SOS1: variants seen among roughly 807,000 people sequenced by gnomAD.
The protein encoded by SOS1 is SOS Ras/Rac guanine nucleotide exchange factor 1.
A neutral mutation model predicts 157.6 loss-of-function variants in SOS1; 25 were observed. That is an observed-to-expected ratio of 0.16 (90% confidence interval 0.12 to 0.22). The LOEUF (loss-of-function observed/expected upper bound fraction) is 0.22. SOS1 is among the 10% of genes least tolerant of loss of function. The pLI is 1.00. For synonymous variants in SOS1, 528 were observed against 534.0 expected, an observed-to-expected ratio of 0.99 and a Z score of 0.16; for missense variants, 1,237 against 1,599.1, an observed-to-expected ratio of 0.77 and a Z score of 3.86.
intron 6 of SOS1, among the ~76,000 whole-genome samples, chr2:39,049,206 C>G (rs1670909136): frequency 6.6e-6 from 1 of 152,220 alleles, no homozygotes; most frequent in South Asian, 2.1e-4. Flanking sequence ...GCGTGAGCCA[C>G]CATGCCTGGC....
At chr2:39,107,758 T>A (rs1673254888) in intron 1 of SOS1, among the ~76,000 whole-genome samples, 1 of 151,854 alleles carries the variant, frequency 6.6e-6, no homozygotes, top group South Asian at 2.1e-4. Flanking sequence ...ATACTAAACA[T>A]GACTATTCCA....
At chr2:39,025,604 C>T (rs1318248588) in intron 8 of SOS1, among the ~76,000 whole-genome samples, 1 of 152,046 alleles carries the variant, frequency 6.6e-6, no homozygotes, top group East Asian at 1.9e-4. Flanking sequence ...AAGTGATCTG[C>T]CTGCTTCGGC....
intron 20 of SOS1, chr2:38,993,025 C>T (rs929398241): frequency 1.9e-4 from 28 of 150,378 alleles, no homozygotes; most frequent in African/African-American, 6.9e-4. Context: ...TGTTTGAGGC[C>T]AGAAGTTTGA....
intron 7 of SOS1, 24 bp downstream of exon 7, chr2:39,035,366 A>T: frequency 6.2e-7 from 1 of 1,601,018 alleles, no homozygotes; most frequent in Non-Finnish European, 8.6e-7. Context: ...GACATTGTAC[A>T]TCTTCATTTA....
At chr2:39,010,531 AAT>A (rs1669433224) in intron 15 of SOS1, 51 bp downstream of exon 15, 20 of 1,546,928 alleles carry the variant, frequency 1.3e-5, no homozygotes, top group Non-Finnish European at 1.8e-5. Flanking sequence ...ATTGCATTGA[AAT>A]TCATAACATA....
chr2:39,075,490 G>C (rs1469475961), intron 1 of SOS1, among the ~76,000 whole-genome samples: 1 of 151,462 alleles, frequency 6.6e-6, no homozygotes, highest in East Asian at 1.9e-4. Flanking sequence ...ATAAAGAAAA[G>C]CAACAGTTAA....
intron 1 of SOS1, among the ~76,000 whole-genome samples, chr2:39,077,399 A>G (rs934276210): frequency 2.0e-5 from 3 of 152,128 alleles, no homozygotes; most frequent in Non-Finnish European, 2.9e-5. Flanking sequence ...AAGACCTTAA[A>G]TAGTATTAAG....
rs773259949 is a variant in SOS1 at position 39,014,785 on chromosome 2, T to G, written c.1920A>C (p.Leu640=). Residue 640 remains leucine (L), a synonymous_variant, in exon 11 of 23, where the codon CTA becomes CTC. Coordinates refer to ENST00000402219, the MANE Select transcript of SOS1 (RefSeq NM_005633.4). ...TYRSFCKPQE[L]LSLIIERFEI... ...CAGACCTTTCTATTATAAGACTCAG[T>G]AGTTCTTGAGGTTTGCAAAAGGATC... 6.3e-7 allele frequency: 1 copy of G among 1,579,980 alleles called. No individual in the cohort carries two copies. Among genetic ancestry groups the G allele is most frequent in the Non-Finnish European group, 8.7e-7 (1 of 1,149,808 alleles).
At position 39,024,037 on chromosome 2, in the gene SOS1, G is replaced by C. The variant is rs749523988; in HGVS notation, c.1175C>G (p.Ser392Cys). 1 of 1,601,774 alleles carries C rather than the reference G, an allele frequency of 6.2e-7. No homozygotes were observed. Among genetic ancestry groups the C allele is most frequent in the South Asian group, 1.1e-5 (1 of 90,788 alleles). ...CAGTCTTCGTTTTGCAAGACTTTTA[G>C]AACATATTTTTTCCATACCACTCTG... ...NVQSGMEKIC[S>C]KSLAKRRLSE... is the part of the protein sequence containing the mutation. The change falls in exon 9 of 23, where the codon TCT becomes TGT. Residue 392 changes from serine to cysteine, a missense_variant. By Grantham distance (112) the Ser-to-Cys change is moderately radical. Around this residue, in one of 15 missense-constraint regions of SOS1, gnomAD observed 101 missense variants for 171.5 expected, o/e 0.59. Transcript: ENST00000402219.
At chr2:39,065,437 C>A (rs1671558978) in intron 2 of SOS1, among the ~76,000 whole-genome samples, 1 of 152,128 alleles carries the variant, frequency 6.6e-6, no homozygotes, top group African/African-American at 2.4e-5. Flanking sequence ...CCTCTTAATT[C>A]TATAAAGACC....
intron 1 of SOS1, among the ~76,000 whole-genome samples, chr2:39,084,116 A>T (rs1167883463): frequency 6.6e-6 from 1 of 152,106 alleles, no homozygotes; most frequent in East Asian, 1.9e-4. Flanking sequence ...CAACCCACCA[A>T]CATCTTCATC....
Position 39,064,742 on chromosome 2 carries a change from ATTTTTTTTTTTTT to A in SOS1, c.213+2873_213+2885del, listed in dbSNP as rs4015841. Among the ~76,000 whole-genome samples the A allele has an allele frequency of 2.2e-3, 168 of 74,846 alleles. 8 individuals carry two copies. The highest frequency in any genetic ancestry group is 1.5e-3 in the Non-Finnish European group (66 of 43,580). 49.1% of individuals were successfully genotyped at this position (74,846 alleles called of 152,430 possible). The stretch of plus-strand genomic sequence containing the variant: ...TCAGATTGATCTATTTTTAAAATAC[ATTTTTTTTTTTTT>A]TTTTTTTTTTGGAGATGGAGTCTTG... On this transcript the variant is annotated intron_variant, in intron 2 of 22. Transcript: ENST00000402219.
chr2:39,017,389 T>G (rs562411642), intron 10 of SOS1, among the ~76,000 whole-genome samples: 1 of 152,166 alleles, frequency 6.6e-6, no homozygotes, highest in South Asian at 2.1e-4. Flanking sequence ...CACCAGAAAG[T>G]CACTGAAAAA....
chr2:39,041,583 T>C (rs1014682901), intron 6 of SOS1, among the ~76,000 whole-genome samples: 9 of 152,262 alleles, frequency 5.9e-5, no homozygotes, highest in African/African-American at 1.7e-4. Context: ...TTTGGCATTA[T>C]CTAAGCATCC....
At chr2:39,049,854 T>C (rs1222695840) in intron 6 of SOS1, among the ~76,000 whole-genome samples, 1 of 152,188 alleles carries the variant, frequency 6.6e-6, no homozygotes, top group Non-Finnish European at 1.5e-5. Flanking sequence ...TTACTGTAGA[T>C]ACCAGGTTGG....
chr2:39,035,102 CAG>C (rs981979532), intron 8 of SOS1, 108 bp downstream of exon 8: 45 of 726,902 alleles, frequency 6.2e-5, no homozygotes, highest in African/African-American at 5.4e-4. Flanking sequence ...AAAAAGAAAA[CAG>C]AAACACACTA....
At chr2:39,096,693 G>A (rs993237206) in intron 1 of SOS1, among the ~76,000 whole-genome samples, 1 of 152,064 alleles carries the variant, frequency 6.6e-6, no homozygotes. Context: ...AGACCATCTT[G>A]GCTAACATGG....
intron 17 of SOS1, among the ~76,000 whole-genome samples, chr2:39,002,495 A>G (rs1669135015): frequency 6.6e-6 from 1 of 152,156 alleles, no homozygotes; most frequent in Non-Finnish European, 1.5e-5. Flanking sequence ...ATGTCTGTGT[A>G]CCGGAGACCA....
At chr2:39,104,261 G>C (rs553442104) in intron 1 of SOS1, among the ~76,000 whole-genome samples, 43 of 152,008 alleles carry the variant, frequency 2.8e-4, no homozygotes, top group Non-Finnish European at 4.6e-4. Flanking sequence ...CAGCCTGGGG[G>C]ACAACAGCAA....
Sources: gnomAD v4.1 joint callset for allele counts (sites outside exome capture counted in the v4.1 genomes callset) on GRCh38, gnomAD v4.1.1 for gene constraint, gnomAD v4.1.1 regional missense constraint, MANE v1.5 for transcripts, NCBI Gene and HGNC (gene_info 2026-07-23, HGNC 2026-07-21) for gene names.